Variants in GCNA observed in about 807,000 individuals in gnomAD.
The protein encoded by GCNA is germ cell nuclear acidic protein.
In GCNA, 3 loss-of-function variants were observed where a neutral mutation model predicts 38.8. The observed-to-expected ratio is 0.08, with a 90% CI of 0.04 to 0.20. GCNA has a LOEUF of 0.20. GCNA is among the 10% of genes least tolerant of loss of function. The pLI is 1.00. For synonymous variants in GCNA, 195 were observed against 240.2 expected (o/e 0.81, Z 1.74); for missense variants, 446 against 578.6 (o/e 0.77, Z 2.35).
At position 71,612,397 on chromosome X, in the gene GCNA, C is replaced by T; in HGVS notation, c.1793C>T (p.Ala598Val). The change falls in exon 12 of 13, where the codon GCC becomes GTC. Residue 598 changes from alanine (A) to valine (V), a missense_variant. Around this residue, in one of 7 missense-constraint regions of GCNA, gnomAD observed 60 missense variants for 111.0 expected, o/e 0.54. Transcript: ENST00000373696. ...TTGATCCATGAAATGTGCCATGCTG[C>T]CTCCTGGCTGATTGATGGTATCCAT... ...DTLIHEMCHA[A>V]SWLIDGIHDS... is the part of the protein sequence containing the mutation. 8.3e-7 allele frequency: 1 copy of T among 1,206,296 alleles called. No individual in the cohort carries two copies. The highest frequency in any genetic ancestry group is 1.1e-6 in the Non-Finnish European group (1 of 892,835).
chrX:71,585,566 G>A (rs1475146443), intron 2 of GCNA, among the ~76,000 whole-genome samples: 1 of 110,529 alleles, frequency 9.0e-6, no homozygotes, highest in Non-Finnish European at 1.9e-5. Flanking sequence ...TAGGCTTCTG[G>A]TTGGAGATAG....
At chrX:71,604,701 C>G (rs1050506944) in intron 8 of GCNA, 25 bp downstream of exon 8, 1 of 1,203,575 alleles carries the variant, frequency 8.3e-7, no homozygotes, top group Non-Finnish European at 1.1e-6. Flanking sequence ...CCAAGTATGC[C>G]TGTCCCACTG....
At chrX:71,599,508 C>T (rs747372030) in intron 7 of GCNA, among the ~76,000 whole-genome samples, 2 of 111,929 alleles carry the variant, frequency 1.8e-5, no homozygotes, top group Admixed American at 1.9e-4. Context: ...CAGAAGAGAC[C>T]GATTCTTTTG....
intron 2 of GCNA, among the ~76,000 whole-genome samples, chrX:71,581,338 G>A (rs1276759666): frequency 3.6e-5 from 4 of 111,323 alleles, no homozygotes; most frequent in Non-Finnish European, 5.7e-5. Context: ...TATTTTTTTT[G>A]TGCGTGTGAG....
At chrX:71,609,503 T>C (rs2147733342) in intron 10 of GCNA, among the ~76,000 whole-genome samples, 1 of 112,252 alleles carries the variant, frequency 8.9e-6, no homozygotes, top group South Asian at 3.7e-4. Context: ...TGTGTGACCT[T>C]GAACAAGTTA....
intron 6 of GCNA, among the ~76,000 whole-genome samples, chrX:71,596,475 A>G (rs781524551): frequency 8.9e-6 from 1 of 112,078 alleles, no homozygotes; most frequent in East Asian, 2.8e-4. Context: ...TATATTTTAA[A>G]TGTTCTATCA....
chrX:71,611,320 A>G (rs1426522497), intron 11 of GCNA, among the ~76,000 whole-genome samples: 1 of 111,784 alleles, frequency 8.9e-6, no homozygotes, highest in Admixed American at 9.5e-5. Context: ...CTTGTCTCTC[A>G]GTATTCTACC....
At chrX:71,591,820 T>C (rs2040630993) in intron 2 of GCNA, among the ~76,000 whole-genome samples, 1 of 111,586 alleles carries the variant, frequency 9.0e-6, no homozygotes, top group Non-Finnish European at 1.9e-5. Context: ...TTCATACCTT[T>C]AAATGGAAAT....
chrX:71,593,960 C>T (rs1046247578), intron 4 of GCNA, among the ~76,000 whole-genome samples: 1 of 111,864 alleles, frequency 8.9e-6, no homozygotes, highest in African/African-American at 3.3e-5. Flanking sequence ...AAGCAATCCT[C>T]CCTGCTCAGC....
chrX:71,594,441 G>C, intron 5 of GCNA, 64 bp downstream of exon 5: 1 of 986,996 alleles, frequency 1.0e-6, no homozygotes, highest in Non-Finnish European at 1.4e-6. Context: ...ACTCAACTGT[G>C]ATTTGGGATG....
At chrX:71,601,060 G>A (rs2040709778) in intron 7 of GCNA, among the ~76,000 whole-genome samples, 2 of 111,715 alleles carry the variant, frequency 1.8e-5, no homozygotes, top group African/African-American at 6.5e-5. Flanking sequence ...ACATATAAAT[G>A]AGAACATGCG....
chrX:71,602,208 T>G (rs1266901582), intron 7 of GCNA, among the ~76,000 whole-genome samples: 1 of 111,854 alleles, frequency 8.9e-6, no homozygotes, highest in African/African-American at 3.3e-5. Context: ...TTGTTTTGTT[T>G]GAGACAGTCT....
At chrX:71,585,305 G>A (rs1163280502) in intron 2 of GCNA, among the ~76,000 whole-genome samples, 1 of 101,827 alleles carries the variant, frequency 9.8e-6, no homozygotes, top group African/African-American at 3.8e-5. Flanking sequence ...CGGGAGCAAA[G>A]CCCTGTCTCA....
rs765920570 is a variant in GCNA at position 71,588,292 on chromosome X, T to C, written c.60-3830T>C. Among the ~76,000 whole-genome samples the C allele has an allele frequency of 7.3e-4, 82 of 111,671 alleles. 2 individuals are homozygous for C. The Admixed American group carries it at 7.7e-3, about 10-fold the overall frequency. On this transcript the variant is annotated intron_variant, in intron 2 of 12. Coordinates refer to ENST00000373696, the MANE Select transcript of GCNA (RefSeq NM_052957.5). ...AATGAATGAACCACAGATATCCTAA[T>C]CATGTTATAATATATTTATTGAGTT...
chrX:71,594,854 T>A, intron 6 of GCNA, 75 bp downstream of exon 6: 1 of 775,954 alleles, frequency 1.3e-6, no homozygotes, highest in Non-Finnish European at 1.8e-6. Flanking sequence ...CCATGCTCTG[T>A]CTAAGGAAAT....
chrX:71,607,401 C>A (rs1467019282), intron 9 of GCNA, among the ~76,000 whole-genome samples: 1 of 112,076 alleles, frequency 8.9e-6, no homozygotes, highest in Non-Finnish European at 1.9e-5. Context: ...AGTGTTCTGG[C>A]AAATTCTTAG....
intron 2 of GCNA, among the ~76,000 whole-genome samples, chrX:71,586,138 TG>T (rs751161409): frequency 4.7e-5 from 5 of 106,385 alleles, no homozygotes; most frequent in Non-Finnish European, 9.6e-5. Flanking sequence ...ATGAAATAAA[TG>T]TTTTTTTTTT....
At chrX:71,610,138 T>TAA (rs1224486332) in intron 10 of GCNA, among the ~76,000 whole-genome samples, 1 of 111,718 alleles carries the variant, frequency 9.0e-6, no homozygotes, top group Admixed American at 9.5e-5. Flanking sequence ...GATTGCCTGT[T>TAA]TGTTGTCTTT....
In GCNA at chrX:71,593,173, C is replaced by T. The variant is rs186218609; in HGVS notation, c.140+603C>T. 1.7e-4 allele frequency among the ~76,000 whole-genome samples: 19 copies of T among 112,292 alleles called. No homozygotes were observed. In the East Asian group the frequency reaches 5.0e-3, roughly 30 times the overall value. ...CCTCCCAAAGTGCTAGGATTACAGG[C>T]GTGAACCACTGCACCTGGCCTAAGT... is the stretch of plus-strand genomic sequence containing the variant. On this transcript the variant is annotated intron_variant, in intron 4 of 12. Coordinates refer to ENST00000373696, the MANE Select transcript of GCNA (RefSeq NM_052957.5).
Sources: gnomAD v4.1 joint callset for allele counts (sites outside exome capture counted in the v4.1 genomes callset) on GRCh38, gnomAD v4.1.1 for gene constraint, gnomAD v4.1.1 regional missense constraint, MANE v1.5 for transcripts, NCBI Gene and HGNC (gene_info 2026-07-23, HGNC 2026-07-21) for gene names.